MAFF: variants seen among roughly 807,000 people sequenced by gnomAD.
MAFF encodes MAF bZIP transcription factor F, also known as transcription factor MafF.
Under a neutral mutation model 2.7 loss-of-function variants are expected in MAFF, and 4 were observed. The ratio of observed to expected loss-of-function variants is 1.48; its 90% confidence interval spans 0.73 to 3.39. The LOEUF is 3.39. Ranked by LOEUF, MAFF falls within the 30% of genes most tolerant of loss-of-function variation. MAFF has a pLI of 0.01. For synonymous variants in MAFF, 113 were observed against 119.4 expected, an observed-to-expected ratio of 0.95 and a Z score of 0.35; for missense variants, 190 against 246.6, an observed-to-expected ratio of 0.77 and a Z score of 1.54.
chr22:38,206,923 C>T (rs972931933), intron 1 of MAFF, among the ~76,000 whole-genome samples: 9 of 152,118 alleles, frequency 5.9e-5, no homozygotes, highest in Non-Finnish European at 1.0e-4. Flanking sequence ...GGATACTTAA[C>T]TGTAACTTGC....
rs2091126424 is a variant in MAFF, at chr22:38,214,384, C to G, written c.37-36C>G. 6.5e-7 allele frequency: 1 copy of G among 1,535,410 alleles called. No homozygotes were observed. The highest frequency in any genetic ancestry group is 1.9e-5 in the Admixed American group (1 of 53,888). On this transcript the variant is annotated intron_variant, in intron 2 of 2. Coordinates refer to ENST00000338483, the MANE Select transcript of MAFF (RefSeq NM_012323.4). This position sits in a 1 kb window ranked among gnomAD's most constrained non-coding sequence, Gnocchi z 6.3. ...GCGGGTGGAGCGGGGGGGCCCGTCC[C>G]CAGTCCCCTGGACCTCAGTTTCCTC...
At chr22:38,210,997 C>A (rs564250077) in intron 1 of MAFF, among the ~76,000 whole-genome samples, 1 of 151,996 alleles carries the variant, frequency 6.6e-6, no homozygotes, top group South Asian at 2.1e-4. Flanking sequence ...GAGTTTGAGG[C>A]TGCAATGAGC....
chr22:38,213,737 T>C, intron 1 of MAFF, 86 bp from the exon 2 acceptor site: 1 of 996,076 alleles, frequency 1.0e-6, no homozygotes, highest in Non-Finnish European at 1.6e-6. Context: ...AGCAGAGGCC[T>C]TGAATGGCAA....
intron 1 of MAFF, among the ~76,000 whole-genome samples, chr22:38,212,289 C>T (rs2091107087): frequency 6.6e-6 from 1 of 152,236 alleles, no homozygotes; most frequent in South Asian, 2.1e-4. Flanking sequence ...GCGTGAGCCA[C>T]CGCGCCCAGC....
rs550986313 is a variant in MAFF, at chr22:38,214,123, C to G, written c.36+234C>G. ...TCACTTCCCTCTCCAGGCCTCCTTC[C>G]CCATCGGGTCAATGTCCCCTGGGGC... is the stretch of plus-strand genomic sequence containing the variant. On this transcript the variant is annotated intron_variant, in intron 2 of 2. Transcript: ENST00000338483. The surrounding 1 kb of genome is among the most constrained non-coding windows in gnomAD (Gnocchi z 6.3). Among the ~76,000 whole-genome samples the G allele has an allele frequency of 3.9e-5, 6 of 152,380 alleles. No individual in the cohort carries two copies. Among genetic ancestry groups the G allele is most frequent in the Admixed American group, 3.9e-4 (6 of 15,302 alleles).
intron 1 of MAFF, 59 bp from the exon 2 acceptor site, chr22:38,213,764 T>C: frequency 7.6e-7 from 1 of 1,319,092 alleles, no homozygotes; most frequent in Non-Finnish European, 1.1e-6. Context: ...GAGTTTGGAT[T>C]TTATTCTAAA....
intron 1 of MAFF, among the ~76,000 whole-genome samples, chr22:38,208,123 G>A (rs970664521): frequency 2.0e-5 from 3 of 152,128 alleles, no homozygotes; most frequent in Admixed American, 2.0e-4. Flanking sequence ...AAATCAGAGC[G>A]AGACCCCAGT....
chr22:38,213,176 CAAAAAAAAAAA>C lies in MAFF; in HGVS notation c.-31-632_-31-622del, dbSNP rs57782814. Among the ~76,000 whole-genome samples, 1,020 of 114,068 alleles carry C rather than the reference CAAAAAAAAAAA, an allele frequency of 8.9e-3. 7 individuals are homozygous for C. Among genetic ancestry groups the C allele is most frequent in the South Asian group, 0.028 (80 of 2,864 alleles). The allele number at this position is 114,068 out of a possible 152,430, so 74.8% of individuals were successfully genotyped here. On this transcript the variant is annotated intron_variant, in intron 1 of 2. Transcript: ENST00000338483. ...TGGGTGACAGAGTGAGACTCTGTCTCAAAAAAAAAAAAAAAAAAAAAAAAAGAAAGAAAGAA... is the reference window on the plus strand; with the variant it reads ...TGGGTGACAGAGTGAGACTCTGTCTCAAAAAAAAAAAAAAGAAAGAAAGAA...
At chr22:38,209,307 C>T (rs1010176373) in intron 1 of MAFF, among the ~76,000 whole-genome samples, 2 of 151,868 alleles carry the variant, frequency 1.3e-5, no homozygotes, top group East Asian at 2.0e-4. Flanking sequence ...CCTTGTGATC[C>T]GCCCGCCTCA....
intron 1 of MAFF, chr22:38,203,227 G>A (rs2091027854): frequency 6.6e-6 from 1 of 152,500 alleles, no homozygotes; most frequent in Non-Finnish European, 1.5e-5. Context: ...TGACTGCAAG[G>A]GTGCGGCGCA....
chr22:38,206,053 T>G (rs1036644754), intron 1 of MAFF, among the ~76,000 whole-genome samples: 1 of 152,066 alleles, frequency 6.6e-6, no homozygotes, highest in African/African-American at 2.4e-5. Flanking sequence ...AAGAGCAGGT[T>G]CAAAACCTTC....
At position 38,214,323 on chromosome 22, in the gene MAFF, C is replaced by T; in HGVS notation, c.37-97C>T. 2 of 1,202,770 alleles carry T rather than the reference C, an allele frequency of 1.7e-6. No individual in the cohort carries two copies. Among genetic ancestry groups the T allele is most frequent in the Non-Finnish European group, 2.3e-6 (2 of 883,328 alleles). The allele number at this position is 1,202,770 out of a possible 1,614,324, so 74.5% of individuals were successfully genotyped here. On this transcript the variant is annotated intron_variant, in intron 2 of 2. Transcript: ENST00000338483. This position sits in a 1 kb window ranked among gnomAD's most constrained non-coding sequence, Gnocchi z 6.3. The stretch of plus-strand genomic sequence containing the variant: ...CGGGGTTTTGGATCAAGTCCACCCA[C>T]CACCTCGGCGGCTAAGGCGGTGAAA...
In MAFF at chr22:38,214,978, G is replaced by A. The variant is rs1193796314; in HGVS notation, c.*100G>A. 6.8e-6 allele frequency: 6 copies of A among 882,214 alleles called. No homozygotes were observed. The highest frequency in any genetic ancestry group is 1.1e-5 in the Non-Finnish European group (6 of 556,952). The allele number at this position is 882,214 out of a possible 1,614,324, so 54.6% of individuals were successfully genotyped here. A position where few individuals can be genotyped will look rare whatever the true frequency, so the allele number is the denominator to read the frequency against. On this transcript the variant is annotated 3_prime_UTR_variant, in exon 3 of 3. Coordinates refer to ENST00000338483, the MANE Select transcript of MAFF (RefSeq NM_012323.4). This position sits in a 1 kb window ranked among gnomAD's most constrained non-coding sequence, Gnocchi z 6.3. Reference sequence around the variant, plus strand: ...TGTGCCCAGGTCCCATTTCTCTGCAGCACTGGCCCCTTGGTGCACACACAT... The same window carrying A: ...TGTGCCCAGGTCCCATTTCTCTGCAACACTGGCCCCTTGGTGCACACACAT...
At chr22:38,208,827 T>G in intron 1 of MAFF, among the ~76,000 whole-genome samples, 1 of 151,152 alleles carries the variant, frequency 6.6e-6, no homozygotes. Context: ...CCAAACAAAG[T>G]AGAGGGGAGT....
Position 38,214,355 on chromosome 22 carries a change from C to T in MAFF, c.37-65C>T. ...GGCGGCTAAGGCGGTGAAAGAGGAACACCGCGGGTGGAGCGGGGGGGCCCG... is the reference window on the plus strand; with the variant it reads ...GGCGGCTAAGGCGGTGAAAGAGGAATACCGCGGGTGGAGCGGGGGGGCCCG... On this transcript the variant is annotated intron_variant, in intron 2 of 2. Transcript: ENST00000338483. The surrounding 1 kb of genome is among the most constrained non-coding windows in gnomAD (Gnocchi z 6.3). 2 of 1,439,514 alleles carry T rather than the reference C, an allele frequency of 1.4e-6. No homozygotes were observed. The highest frequency in any genetic ancestry group is 1.8e-6 in the Non-Finnish European group (2 of 1,081,270). 89.2% of individuals were successfully genotyped at this position (1,439,514 alleles called of 1,614,324 possible). A position where few individuals can be genotyped will look rare whatever the true frequency, so the allele number is the denominator to read the frequency against.
chr22:38,214,281 G>A lies in MAFF; in HGVS notation c.37-139G>A, dbSNP rs761775982. 26 of 848,704 alleles carry A rather than the reference G, an allele frequency of 3.1e-5. No individual in the cohort carries two copies. Among genetic ancestry groups the A allele is most frequent in the Non-Finnish European group, 4.2e-5 (24 of 567,002 alleles). The allele number at this position is 848,704 out of a possible 1,614,324, so 52.6% of individuals were successfully genotyped here. On this transcript the variant is annotated intron_variant, in intron 2 of 2. Transcript: ENST00000338483. The surrounding 1 kb of genome is among the most constrained non-coding windows in gnomAD (Gnocchi z 6.3). The stretch of plus-strand genomic sequence containing the variant: ...TAGTCTGGCCCGGTTTCCCCTTCCC[G>A]GATTCCTGCTCCCCTTCGGGGTTTT...
Position 38,214,515 on chromosome 22 carries a change from C to G in MAFF, c.132C>G (p.Leu44=). The part of the protein sequence containing the change: ...VRELNRHLRG[L]SAEEVTRLKQ... ...AGCTGAACCGGCATCTGCGCGGGCT[C>G]TCCGCCGAGGAGGTGACACGGCTCA... Residue 44 remains leucine, a synonymous_variant, in exon 3 of 3, where the codon CTC becomes CTG. Transcript: ENST00000338483. This position sits in a 1 kb window ranked among gnomAD's most constrained non-coding sequence, Gnocchi z 6.3. 6.2e-7 allele frequency: 1 copy of G among 1,610,558 alleles called. No homozygotes were observed. The highest frequency in any genetic ancestry group is 1.7e-5 in the Admixed American group (1 of 59,934).
intron 1 of MAFF, chr22:38,213,425 G>A (rs910743138): frequency 2.9e-5 from 10 of 341,662 alleles, no homozygotes; most frequent in Non-Finnish European, 5.8e-5. Context: ...GGAGGAGTGG[G>A]AAGGAGAAAC....
At chr22:38,213,973 C>T in intron 2 of MAFF, 84 bp downstream of exon 2, 1 of 1,437,766 alleles carries the variant, frequency 7.0e-7, no homozygotes, top group Non-Finnish European at 9.8e-7. Flanking sequence ...CCCCTTCTTT[C>T]CTGGAATCCC....
Sources: allele counts gnomAD v4.1 joint callset (sites outside exome capture counted in the v4.1 genomes callset), GRCh38; gene constraint gnomAD v4.1.1; non-coding constraint Gnocchi (gnomAD v3.1); transcripts MANE v1.5; gene names NCBI Gene and HGNC (gene_info 2026-07-23, HGNC 2026-07-21).